The following HNRNPUL1 variants were observed in gnomAD, a reference collection of about 807,000 sequenced individuals.
HNRNPUL1 encodes the protein heterogeneous nuclear ribonucleoprotein U-like protein 1.
Under a neutral mutation model 108.5 loss-of-function variants are expected in HNRNPUL1, and 14 were observed. The observed-to-expected ratio is 0.13, with a 90% CI of 0.09 to 0.20. The LOEUF is 0.20. Among genes scored for constraint, HNRNPUL1 ranks in the 10% least tolerant of loss-of-function variants. The pLI is 1.00. For synonymous variants in HNRNPUL1, 422 were observed against 445.2 expected (o/e 0.95, Z 0.66); for missense variants, 804 against 1,168.3 (o/e 0.69, Z 4.55).
intron 14 of HNRNPUL1, 28 bp from the exon 15 acceptor site, chr19:41,306,421 A>G (rs756421160): frequency 6.6e-7 from 1 of 1,510,884 alleles, no homozygotes; most frequent in Admixed American, 1.9e-5. Flanking sequence ...ATGCAGGACA[A>G]CTTGGTGTTC....
At chr19:41,299,455 GT>G (rs1305537750) in intron 10 of HNRNPUL1, among the ~76,000 whole-genome samples, 7 of 152,152 alleles carry the variant, frequency 4.6e-5, no homozygotes, top group African/African-American at 9.7e-5. Flanking sequence ...TTGAAACCTT[GT>G]TTTTTCCTCA....
At position 41,269,986 on chromosome 19, in the gene HNRNPUL1, CT is replaced by C. The variant is rs918753762; in HGVS notation, c.418+1654del. ...GCACAATCCTATAGCCCCAGCTACT[CT>C]TTTTTTTTTTTTGAGACGAAGTCTC... On this transcript the variant is annotated intron_variant, in intron 2 of 14. Transcript: ENST00000392006. Among the ~76,000 whole-genome samples, 727 of 144,870 alleles carry C rather than the reference CT, an allele frequency of 5.0e-3. 5 individuals are homozygous for C. The highest frequency in any genetic ancestry group is 0.013 in the African/African-American group (503 of 39,890).
rs1227237545 is a variant in HNRNPUL1, at chr19:41,272,239, GGTGTATGAGGCAGCA to G, written c.572+7_572+21del. ...TTGAGCACCGAGAGGATAGGAGGTGGGTGTATGAGGCAGCAGTCACCCTTGCTCTGGTAGGTTTCT... is the reference window on the plus strand; with the variant it reads ...TTGAGCACCGAGAGGATAGGAGGTGGGTCACCCTTGCTCTGGTAGGTTTCT... On this transcript the variant is annotated splice_donor_5th_base_variant and intron_variant, in intron 3 of 14. Coordinates refer to ENST00000392006, the MANE Select transcript of HNRNPUL1 (RefSeq NM_007040.6). 2 of 1,612,420 alleles carry G rather than the reference GGTGTATGAGGCAGCA, an allele frequency of 1.2e-6. No homozygotes were observed. Among genetic ancestry groups the G allele is most frequent in the Non-Finnish European group, 1.7e-6 (2 of 1,179,618 alleles).
At chr19:41,279,847 C>T (rs1036503976) in intron 6 of HNRNPUL1, among the ~76,000 whole-genome samples, 2 of 152,170 alleles carry the variant, frequency 1.3e-5, no homozygotes, top group Non-Finnish European at 2.9e-5. Context: ...GTTAACATTC[C>T]ATTTGTAGTC....
Position 41,305,843 on chromosome 19 carries a change from G to A in HNRNPUL1, c.2430G>A (p.Gln810=). The part of the protein sequence containing the change: ...PPPPTAQTYP[Q]PSYNQYQQYA... ...CCCCCACTGCACAGACCTACCCTCA[G>A]CCCAGCTATAACCAGTATCAGCAGG... is the stretch of plus-strand genomic sequence containing the variant. Residue 810 remains glutamine, a synonymous_variant, in exon 14 of 15, where the codon CAG becomes CAA. Transcript: ENST00000392006. 6.3e-7 allele frequency: 1 copy of A among 1,596,972 alleles called. No homozygotes were observed. The highest frequency in any genetic ancestry group is 8.5e-7 in the Non-Finnish European group (1 of 1,171,234).
intron 13 of HNRNPUL1, among the ~76,000 whole-genome samples, 164 bp downstream of exon 13, chr19:41,304,425 T>A (rs1002845759): frequency 6.6e-6 from 1 of 152,124 alleles, no homozygotes; most frequent in African/African-American, 2.4e-5. Context: ...TGATCTTGAC[T>A]CAGATGGACC....
At chr19:41,278,865 C>G (rs953415698) in intron 5 of HNRNPUL1, among the ~76,000 whole-genome samples, 8 of 152,164 alleles carry the variant, frequency 5.3e-5, no homozygotes, top group Non-Finnish European at 1.0e-4. Flanking sequence ...TTTTGAAATG[C>G]CTGTCTCTGT....
At chr19:41,272,290 C>G in intron 3 of HNRNPUL1, 55 bp downstream of exon 3, 1 of 1,564,672 alleles carries the variant, frequency 6.4e-7, no homozygotes, top group Non-Finnish European at 8.7e-7. Context: ...ATATCCATAG[C>G]CTCGTGCTTG....
intron 5 of HNRNPUL1, among the ~76,000 whole-genome samples, chr19:41,278,017 A>G (rs76869264): frequency 9.9e-5 from 15 of 151,362 alleles, no homozygotes; most frequent in African/African-American, 2.7e-4. Flanking sequence ...CATTAGCCCA[A>G]TGTACTGCTT....
intron 7 of HNRNPUL1, among the ~76,000 whole-genome samples, chr19:41,284,320 A>G (rs994383632): frequency 4.6e-5 from 7 of 152,358 alleles, no homozygotes; most frequent in Non-Finnish European, 7.3e-5. Flanking sequence ...TCCCGAAGCC[A>G]TCACTACTGC....
chr19:41,285,823 G>A (rs2036187550), intron 7 of HNRNPUL1, among the ~76,000 whole-genome samples: 1 of 151,846 alleles, frequency 6.6e-6, no homozygotes, highest in Admixed American at 6.6e-5. Flanking sequence ...AGGGATTAGG[G>A]GCACCAACCC....
In HNRNPUL1 at chr19:41,264,372, A is replaced by G; in HGVS notation, c.-132A>G. ...GAGGGGGGAGGCGGTGGCGGCGGCC[A>G]TTTTGAGCCGCTGCCGCCATTGGAG... On this transcript the variant is annotated 5_prime_UTR_variant, in exon 1 of 15. Transcript: ENST00000392006. 1 of 748,268 alleles carries G rather than the reference A, an allele frequency of 1.3e-6. No individual in the cohort carries two copies. Among genetic ancestry groups the G allele is most frequent in the South Asian group, 4.5e-5 (1 of 22,112 alleles). 46.4% of individuals were successfully genotyped at this position (748,268 alleles called of 1,614,324 possible). A position where few individuals can be genotyped will look rare whatever the true frequency, so the allele number is the denominator to read the frequency against.
chr19:41,295,289 G>A (rs1344714446), intron 10 of HNRNPUL1, among the ~76,000 whole-genome samples: 1 of 152,160 alleles, frequency 6.6e-6, no homozygotes, highest in African/African-American at 2.4e-5. Flanking sequence ...TCAGTTAATG[G>A]TGGAGTTCTT....
At chr19:41,304,381 T>C in intron 13 of HNRNPUL1, 120 bp downstream of exon 13, 1 of 1,476,802 alleles carries the variant, frequency 6.8e-7, no homozygotes, top group Admixed American at 2.5e-5. Context: ...GTCTTCACTC[T>C]AACCTCTAGC....
At position 41,305,723 on chromosome 19, in the gene HNRNPUL1, C is replaced by T. The variant is rs1056856; in HGVS notation, c.2310C>T (p.Gly770=). ...ACAACCAGGGAGGTTACAGCCAGGG[C>T]TACACAGCCCCACCGCCTCCACCTC... is the stretch of plus-strand genomic sequence containing the variant. ...PPYNQGGYSQ[G]YTAPPPPPPP... is the part of the protein sequence containing the mutation. Residue 770 remains glycine (G), a synonymous_variant, in exon 14 of 15, where the codon GGC becomes GGT. Transcript: ENST00000392006. 1.2e-6 allele frequency: 2 copies of T among 1,614,024 alleles called. No homozygotes were observed. Among genetic ancestry groups the T allele is most frequent in the Middle Eastern group, 1.6e-4 (1 of 6,084 alleles).
Position 41,292,631 on chromosome 19 carries a change from C to CA in HNRNPUL1, c.1266+121dup. 8.1e-7 allele frequency: 1 copy of CA among 1,235,128 alleles called. No individual in the cohort carries two copies. The highest frequency in any genetic ancestry group is 1.2e-6 in the Non-Finnish European group (1 of 862,664). 76.5% of individuals were successfully genotyped at this position (1,235,128 alleles called of 1,614,324 possible). A position where few individuals can be genotyped will look rare whatever the true frequency, so the allele number is the denominator to read the frequency against. On this transcript the variant is annotated intron_variant, in intron 8 of 14. Coordinates refer to ENST00000392006, the MANE Select transcript of HNRNPUL1 (RefSeq NM_007040.6). This position sits in a 1 kb window ranked among gnomAD's most constrained non-coding sequence, Gnocchi z 4.1. ...CTTGGGGCAAGTGGCCACTTTGTCC[C>CA]AGCTCCTCAGGGTTGGACTCAGAGC...
upstream of HNRNPUL1, chr19:41,263,055 A>C (rs1300466779): frequency 6.6e-6 from 1 of 152,086 alleles, no homozygotes; most frequent in African/African-American, 2.4e-5. Context: ...AAAAAAAAAA[A>C]AAAAAAAGAA....
In HNRNPUL1 at chr19:41,268,266, C is replaced by T. The variant is rs1599761687; in HGVS notation, c.339C>T (p.Thr113=). Residue 113 remains threonine, a synonymous_variant, in exon 2 of 15, where the codon ACC becomes ACT. Coordinates refer to ENST00000392006, the MANE Select transcript of HNRNPUL1 (RefSeq NM_007040.6). ...NITRQNQFYD[T]QVIKQENESG... ...CCAGGCAGAACCAATTCTACGATAC[C>T]CAAGTCATCAAACAAGAAAACGAGT... 6.2e-7 allele frequency: 1 copy of T among 1,613,836 alleles called. No homozygotes were observed. The highest frequency in any genetic ancestry group is 8.5e-7 in the Non-Finnish European group (1 of 1,179,922).
chr19:41,299,261 A>C (rs2037061006), intron 10 of HNRNPUL1, among the ~76,000 whole-genome samples: 1 of 152,120 alleles, frequency 6.6e-6, no homozygotes, highest in African/African-American at 2.4e-5. Context: ...GAGGGTAGGG[A>C]CACTTTCCCT....
Sources: gnomAD v4.1 joint callset for allele counts (sites outside exome capture counted in the v4.1 genomes callset) on GRCh38, gnomAD v4.1.1 for gene constraint, Gnocchi (gnomAD v3.1) non-coding constraint, MANE v1.5 for transcripts, NCBI Gene and HGNC (gene_info 2026-07-23, HGNC 2026-07-21) for gene names.